The following TAS2R1 variants were observed in gnomAD, a reference collection of about 807,000 sequenced individuals.
TAS2R1 encodes taste 2 receptor member 1, also known as taste receptor type 2 member 1.
For synonymous variants in TAS2R1, 141 were observed against 134.2 expected (o/e 1.05, Z -0.35); for missense variants, 370 against 353.4 (o/e 1.05, Z -0.38).
At chr5:9,660,838 G>GCTGGT in intron 1 of TAS2R1, among the ~76,000 whole-genome samples, 1 of 152,254 alleles carries the variant, frequency 6.6e-6, no homozygotes, top group African/African-American at 2.4e-5. Flanking sequence ...AGTGCAAATG[G>GCTGGT]CTGGTTCTGT....
the TAS2R1 span, chr5:9,761,059 A>G: frequency 5.9e-5 from 9 of 152,176 alleles, no homozygotes; most frequent in African/African-American, 2.2e-4. Flanking sequence ...AATCCACAAA[A>G]TAACTCTTGG....
chr5:9,706,215 T>G (rs1441850806), intron 1 of TAS2R1, among the ~76,000 whole-genome samples: 2 of 152,138 alleles, frequency 1.3e-5, no homozygotes, highest in Non-Finnish European at 2.9e-5. Flanking sequence ...TGGTGACAAT[T>G]CAAATGTCCT....
At chr5:9,888,242 C>A in the TAS2R1 span, among the ~76,000 whole-genome samples, 1 of 152,146 alleles carries the variant, frequency 6.6e-6, no homozygotes, top group Non-Finnish European at 1.5e-5. Flanking sequence ...ACGGGAGCTG[C>A]CATGGCCGCT....
At chr5:9,667,176 A>G (rs573501467) in intron 1 of TAS2R1, among the ~76,000 whole-genome samples, 14 of 152,356 alleles carry the variant, frequency 9.2e-5, no homozygotes, top group African/African-American at 3.1e-4. Context: ...AATTACAGTC[A>G]GGACTTTAAA....
At chr5:9,721,341 G>A in the TAS2R1 span, among the ~76,000 whole-genome samples, 4 of 152,204 alleles carry the variant, frequency 2.6e-5, no homozygotes, top group Non-Finnish European at 4.4e-5. Context: ...TACAGGATCT[G>A]GAGTCAGGTG....
At chr5:9,822,276 ACCC>A in the TAS2R1 span, among the ~76,000 whole-genome samples, 91 of 149,998 alleles carry the variant, frequency 6.1e-4, no homozygotes, top group African/African-American at 1.9e-3. Context: ...GACTTCCCTG[ACCC>A]CCCATTTATA....
chr5:9,849,711 T>A, the TAS2R1 span, among the ~76,000 whole-genome samples: 50 of 152,320 alleles, frequency 3.3e-4, no homozygotes, highest in African/African-American at 1.2e-3. Context: ...GGCTAAATAC[T>A]ACCTGGTCCA....
chr5:9,774,163 A>G, the TAS2R1 span, among the ~76,000 whole-genome samples: 25 of 152,308 alleles, frequency 1.6e-4, no homozygotes, highest in East Asian at 3.9e-3. Flanking sequence ...CCTGTCTTCA[A>G]GTTCACCTAA....
chr5:9,689,974 A>C (rs977221373), intron 1 of TAS2R1, among the ~76,000 whole-genome samples: 2 of 152,232 alleles, frequency 1.3e-5, no homozygotes, highest in African/African-American at 4.8e-5. Flanking sequence ...CTGTGTTTGC[A>C]TAAATAAGTT....
the TAS2R1 span, chr5:9,863,025 G>A: frequency 6.6e-6 from 1 of 152,202 alleles, no homozygotes; most frequent in Non-Finnish European, 1.5e-5. Context: ...TAGCTTGAGA[G>A]TCTTTTTCTT....
chr5:9,885,030 C>T, the TAS2R1 span, among the ~76,000 whole-genome samples: 1 of 152,128 alleles, frequency 6.6e-6, no homozygotes, highest in Non-Finnish European at 1.5e-5. Flanking sequence ...GTCTTAGGTG[C>T]TATACATAAA....
chr5:9,895,256 T>C, the TAS2R1 span, among the ~76,000 whole-genome samples: 1 of 152,208 alleles, frequency 6.6e-6, no homozygotes, highest in African/African-American at 2.4e-5. Flanking sequence ...AGCCAACACA[T>C]GAGGAGGAGA....
the TAS2R1 span, among the ~76,000 whole-genome samples, chr5:9,794,189 G>A: frequency 6.6e-6 from 1 of 151,996 alleles, no homozygotes; most frequent in African/African-American, 2.4e-5. Flanking sequence ...TTTGGCCTTG[G>A]GTTTTAAAAT....
At chr5:9,676,676 A>G (rs1452645335) in intron 1 of TAS2R1, among the ~76,000 whole-genome samples, 4 of 152,222 alleles carry the variant, frequency 2.6e-5, no homozygotes, top group Non-Finnish European at 5.9e-5. Context: ...TAGGAGAAAA[A>G]TCTATGAAAC....
the TAS2R1 span, among the ~76,000 whole-genome samples, chr5:9,863,563 C>A: frequency 6.6e-6 from 1 of 152,170 alleles, no homozygotes; most frequent in Non-Finnish European, 1.5e-5. Flanking sequence ...CCGCACCTAG[C>A]CAGGCCCAAA....
At chr5:9,851,432 CT>C in the TAS2R1 span, among the ~76,000 whole-genome samples, 1 of 151,832 alleles carries the variant, frequency 6.6e-6, no homozygotes, top group Non-Finnish European at 1.5e-5. Context: ...TAATTCTGGT[CT>C]TTTTTGAGAC....
At chr5:9,688,976 C>A (rs1321233976) in intron 1 of TAS2R1, among the ~76,000 whole-genome samples, 4 of 152,114 alleles carry the variant, frequency 2.6e-5, no homozygotes, top group African/African-American at 9.7e-5. Context: ...AAGTGCTAGG[C>A]AGAGACGGCC....
At chr5:9,880,595 G>A in the TAS2R1 span, among the ~76,000 whole-genome samples, 10 of 152,216 alleles carry the variant, frequency 6.6e-5, no homozygotes, top group East Asian at 1.9e-3. Flanking sequence ...CCTCTATCAT[G>A]TAGATGACAA....
chr5:9,890,305 C>T, the TAS2R1 span, among the ~76,000 whole-genome samples: 6 of 152,144 alleles, frequency 3.9e-5, no homozygotes, highest in Non-Finnish European at 8.8e-5. Context: ...TCAAATACTT[C>T]GTCAATATGT....
Sources: allele counts gnomAD v4.1 joint callset (sites outside exome capture counted in the v4.1 genomes callset), GRCh38; gene constraint gnomAD v4.1.1; transcripts MANE v1.5; gene names NCBI Gene and HGNC (gene_info 2026-07-23, HGNC 2026-07-21).